The following GMDS variants were observed in gnomAD, a reference collection of about 807,000 sequenced individuals.
GMDS encodes GDP-mannose 4,6 dehydratase.
GMDS carries 20 observed loss-of-function variants against 49.9 expected under a neutral mutation model. That is an observed-to-expected ratio of 0.40 (90% CI 0.28 to 0.58). The LOEUF is 0.58. Ranked by LOEUF, GMDS falls within the 20% of genes least tolerant of loss-of-function variation. GMDS has a pLI of 0.42. For missense variants in GMDS, 362 were observed against 481.4 expected (o/e 0.75, Z 2.32); for synonymous variants, 177 against 178.6 (o/e 0.99, Z 0.07).
intron 10 of GMDS, 104 bp downstream of exon 10, chr6:1,624,368 C>A: frequency 7.7e-7 from 1 of 1,299,142 alleles, no homozygotes; most frequent in South Asian, 1.2e-5. Context: ...CCCCGCCTTC[C>A]GGGCTTTGGG....
At chr6:1,941,173 A>G (rs1762808993) in intron 6 of GMDS, among the ~76,000 whole-genome samples, 1 of 152,222 alleles carries the variant, frequency 6.6e-6, no homozygotes, top group Non-Finnish European at 1.5e-5. Context: ...GGATGAGACA[A>G]GGGTGAGTCT....
chr6:1,876,500 T>A (rs1174667228), intron 7 of GMDS, among the ~76,000 whole-genome samples: 1 of 152,204 alleles, frequency 6.6e-6, no homozygotes, highest in East Asian at 1.9e-4. Context: ...GTCAGGAGGC[T>A]GTGCTCTTTG....
chr6:1,918,351 C>T (rs1006388747), intron 7 of GMDS, among the ~76,000 whole-genome samples: 1 of 152,182 alleles, frequency 6.6e-6, no homozygotes, highest in African/African-American at 2.4e-5. Flanking sequence ...GTCTTATAAG[C>T]TAATGGTATA....
rs143815035 is a variant in GMDS at position 1,630,754 on chromosome 6, G to A, written c.988-6214C>T. Reference sequence around the variant, plus strand: ...ATTGCAATCGTGGAGTTAATTTTTTGTCAGCTTTATTTCTTGATCCGGTGC... The same window carrying A: ...ATTGCAATCGTGGAGTTAATTTTTTATCAGCTTTATTTCTTGATCCGGTGC... On this transcript the variant is annotated intron_variant, in intron 9 of 10. Transcript: ENST00000380815. 3.2e-3 allele frequency among the ~76,000 whole-genome samples: 494 copies of A among 152,270 alleles called. 4 individuals carry two copies. Among genetic ancestry groups the A allele is most frequent in the African/African-American group, 0.011 (473 of 41,552 alleles).
chr6:1,693,028 G>A (rs1020416568), intron 9 of GMDS, among the ~76,000 whole-genome samples: 1 of 152,210 alleles, frequency 6.6e-6, no homozygotes, highest in Non-Finnish European at 1.5e-5. Context: ...ACCCAGTTAT[G>A]TTACTTGGAA....
rs910302817 is a variant in GMDS at position 1,944,360 on chromosome 6, A to C, written c.644-14130T>G. ...TCTCTACTAAAAATACAAAAATTAG[A>C]CAGGCGTGGTGGCGGGCGCCTGTAG... On this transcript the variant is annotated intron_variant, in intron 6 of 10. Transcript: ENST00000380815. Among the ~76,000 whole-genome samples, 15 of 151,828 alleles carry C rather than the reference A, an allele frequency of 9.9e-5. No homozygotes were observed. The South Asian group carries it at 1.5e-3, about 15-fold the overall frequency.
intron 6 of GMDS, among the ~76,000 whole-genome samples, chr6:1,941,669 GA>G (rs1762830284): frequency 6.6e-6 from 1 of 152,190 alleles, no homozygotes. Context: ...TGCACTTCAA[GA>G]TGGGCATGAA....
intron 8 of GMDS, among the ~76,000 whole-genome samples, chr6:1,731,980 C>T (rs189149379): frequency 6.6e-6 from 1 of 152,292 alleles, no homozygotes; most frequent in East Asian, 1.9e-4. Context: ...ATCAATAGAA[C>T]AGAGAAAGAA....
intron 9 of GMDS, among the ~76,000 whole-genome samples, chr6:1,672,576 G>C (rs1303137917): frequency 6.6e-6 from 1 of 152,238 alleles, no homozygotes; most frequent in Non-Finnish European, 1.5e-5. Context: ...AAAATCTGAT[G>C]CTGGGAGATA....
At chr6:1,716,874 A>G (rs1766195503) in intron 9 of GMDS, among the ~76,000 whole-genome samples, 1 of 152,198 alleles carries the variant, frequency 6.6e-6, no homozygotes, top group Non-Finnish European at 1.5e-5. Context: ...CTTGTCCCTC[A>G]GGCTCAAGTA....
At chr6:2,169,652 T>C (rs910710136) in intron 1 of GMDS, among the ~76,000 whole-genome samples, 2 of 148,306 alleles carry the variant, frequency 1.3e-5, no homozygotes, top group Non-Finnish European at 3.0e-5. Flanking sequence ...AAAAAGGCAA[T>C]ATAATTTTAA....
At position 2,049,736 on chromosome 6, in the gene GMDS, G is replaced by A. The variant is rs1267402757; in HGVS notation, c.345+66035C>T. On this transcript the variant is annotated intron_variant, in intron 4 of 10. Coordinates refer to ENST00000380815, the MANE Select transcript of GMDS (RefSeq NM_001500.4). The stretch of plus-strand genomic sequence containing the variant: ...AAGGTTAGAGCGATGCCTCAAAACC[G>A]CACAACAACATGGAGACTGAACAAC... Among the ~76,000 whole-genome samples the A allele has an allele frequency of 4.6e-5, 7 of 152,112 alleles. No individual in the cohort carries two copies. The East Asian group carries it at 1.3e-3, about 29-fold the overall frequency.
At chr6:2,017,581 T>A (rs1561978851) in intron 4 of GMDS, among the ~76,000 whole-genome samples, 1 of 152,178 alleles carries the variant, frequency 6.6e-6, no homozygotes, top group Non-Finnish European at 1.5e-5. Flanking sequence ...AGTGCTGGAA[T>A]TACAGGTGTG....
chr6:1,963,805 G>A (rs968553176), intron 4 of GMDS, among the ~76,000 whole-genome samples: 1 of 152,268 alleles, frequency 6.6e-6, no homozygotes, highest in East Asian at 1.9e-4. Context: ...CACTTCCCCT[G>A]GCCGTAGTTT....
At chr6:1,660,021 G>C (rs949960353) in intron 9 of GMDS, among the ~76,000 whole-genome samples, 8 of 152,100 alleles carry the variant, frequency 5.3e-5, no homozygotes, top group African/African-American at 1.4e-4. Flanking sequence ...CGTCCAGTGA[G>C]AGACACCCTG....
At chr6:2,114,971 AC>A (rs1284069693) in intron 4 of GMDS, among the ~76,000 whole-genome samples, 10 of 148,914 alleles carry the variant, frequency 6.7e-5, no homozygotes, top group East Asian at 2.0e-4. Context: ...AAACAAACAA[AC>A]AAAAAAAAAC....
At chr6:1,645,183 C>T (rs1478102973) in intron 9 of GMDS, among the ~76,000 whole-genome samples, 5 of 152,088 alleles carry the variant, frequency 3.3e-5, no homozygotes, top group African/African-American at 1.2e-4. Flanking sequence ...ATTCACCCAC[C>T]TCGGCCTCCC....
intron 9 of GMDS, among the ~76,000 whole-genome samples, chr6:1,713,953 C>G (rs1766075874): frequency 6.6e-6 from 1 of 152,122 alleles, no homozygotes; most frequent in Non-Finnish European, 1.5e-5. Flanking sequence ...AATTTTCCAC[C>G]AAAATGGATG....
chr6:2,184,087 C>G (rs1036604578), intron 1 of GMDS, among the ~76,000 whole-genome samples: 14 of 152,242 alleles, frequency 9.2e-5, no homozygotes, highest in Admixed American at 7.2e-4. Context: ...TTTGGGATCA[C>G]AGTGGTCTGG....
Sources: gnomAD v4.1 joint callset for allele counts (sites outside exome capture counted in the v4.1 genomes callset) on GRCh38, gnomAD v4.1.1 for gene constraint, MANE v1.5 for transcripts, NCBI Gene and HGNC (gene_info 2026-07-23, HGNC 2026-07-21) for gene names.